VPS13B: variants seen among roughly 807,000 people sequenced by gnomAD.
VPS13B encodes the protein intermembrane lipid transfer protein VPS13B.
In VPS13B, 285 loss-of-function variants were observed where a neutral mutation model predicts 426.4. The observed-to-expected ratio is 0.67, with a 90% confidence interval of 0.61 to 0.74. The LOEUF (loss-of-function observed/expected upper bound fraction) is 0.74. Among genes scored for constraint, VPS13B ranks in the 30% least tolerant of loss-of-function variants. The probability of loss-of-function intolerance (pLI) is 0.00; values close to 1 mark genes in which losing one functional copy is unlikely to be tolerated. For synonymous variants in VPS13B, 1,676 were observed against 1,676.4 expected, an observed-to-expected ratio of 1.00 and a Z score of 0.01; for missense variants, 4,537 against 4,782.6, an observed-to-expected ratio of 0.95 and a Z score of 1.51.
chr8:99,632,049 C>T (rs1387705249), intron 33 of VPS13B, among the ~76,000 whole-genome samples: 1 of 151,628 alleles, frequency 6.6e-6, no homozygotes, highest in Non-Finnish European at 1.5e-5. Flanking sequence ...AAAGTAGAAA[C>T]TTTATTTCTT....
intron 17 of VPS13B, among the ~76,000 whole-genome samples, chr8:99,264,877 A>G (rs2132962036): frequency 6.6e-6 from 1 of 151,608 alleles, no homozygotes; most frequent in South Asian, 2.1e-4. Context: ...TAGATATTGG[A>G]TTGCTTATGT....
chr8:99,261,192 T>C (rs575440101), intron 17 of VPS13B, among the ~76,000 whole-genome samples: 1 of 152,218 alleles, frequency 6.6e-6, no homozygotes, highest in East Asian at 1.9e-4. Flanking sequence ...TCTATGGATT[T>C]GGGAAAATGT....
chr8:99,602,221 G>T (rs1402206152), intron 33 of VPS13B, among the ~76,000 whole-genome samples: 6 of 152,166 alleles, frequency 3.9e-5, no homozygotes. Context: ...CATGTGGCTA[G>T]CCAGTTTTCC....
intron 26 of VPS13B, 39 bp downstream of exon 26, chr8:99,501,897 T>TCCCCC: frequency 1.1e-6 from 1 of 873,060 alleles, no homozygotes; most frequent in Non-Finnish European, 1.5e-6. Context: ...CCTCCCTCTG[T>TCCCCC]CCCTCCCTCC....
At chr8:99,174,309 C>A (rs772549905) in intron 16 of VPS13B, among the ~76,000 whole-genome samples, 1 of 152,104 alleles carries the variant, frequency 6.6e-6, no homozygotes, top group South Asian at 2.1e-4. Flanking sequence ...CTGTTTGAGT[C>A]TCTGCTTTCA....
At chr8:99,296,462 A>G (rs1022137611) in intron 19 of VPS13B, among the ~76,000 whole-genome samples, 3 of 152,164 alleles carry the variant, frequency 2.0e-5, no homozygotes, top group Non-Finnish European at 4.4e-5. Flanking sequence ...ATTTTTTCTA[A>G]TACATAAAAT....
intron 43 of VPS13B, among the ~76,000 whole-genome samples, chr8:99,798,052 T>A (rs1812941428): frequency 6.6e-6 from 1 of 152,114 alleles, no homozygotes. Flanking sequence ...TTATTGTTGC[T>A]GACATTAAGA....
chr8:99,786,247 A>G (rs1812259708), intron 43 of VPS13B, among the ~76,000 whole-genome samples: 1 of 152,094 alleles, frequency 6.6e-6, no homozygotes, highest in Non-Finnish European at 1.5e-5. Flanking sequence ...GCACTATTTC[A>G]AGGCCTTTTT....
At chr8:99,424,206 T>C (rs1159278564) in intron 21 of VPS13B, 1 of 152,198 alleles carries the variant, frequency 6.6e-6, no homozygotes, top group Non-Finnish European at 1.5e-5. Context: ...TTAAAGTCTG[T>C]TTTATCAGAG....
chr8:99,139,880 CTT>C (rs1810305624), intron 12 of VPS13B, among the ~76,000 whole-genome samples: 1 of 151,338 alleles, frequency 6.6e-6, no homozygotes, highest in Admixed American at 6.6e-5. Context: ...ATCTAAAACT[CTT>C]GTTTTTTTGT....
chr8:99,710,418 T>G (rs1390113475), intron 36 of VPS13B, among the ~76,000 whole-genome samples: 1 of 152,202 alleles, frequency 6.6e-6, no homozygotes, highest in African/African-American at 2.4e-5. Context: ...CTAGTTTACA[T>G]GAACTCTGAG....
intron 19 of VPS13B, among the ~76,000 whole-genome samples, chr8:99,383,703 T>C (rs1396892237): frequency 6.6e-6 from 1 of 152,162 alleles, no homozygotes; most frequent in African/African-American, 2.4e-5. Flanking sequence ...TTCATATAAG[T>C]GGAATTCTAA....
At chr8:99,462,267 G>A (rs777477149) in intron 23 of VPS13B, among the ~76,000 whole-genome samples, 1 of 151,634 alleles carries the variant, frequency 6.6e-6, no homozygotes, top group Non-Finnish European at 1.5e-5. Context: ...CTCCATGGTG[G>A]CATGTAAGAA....
At chr8:99,161,761 C>A (rs1242109603) in intron 15 of VPS13B, among the ~76,000 whole-genome samples, 1 of 137,864 alleles carries the variant, frequency 7.3e-6, no homozygotes, top group African/African-American at 2.7e-5. Context: ...GAGACAGAGT[C>A]TCATTCTGTC....
rs147966059 is a variant in VPS13B, at chr8:99,209,315, T to C, written c.2515+16258T>C. ...AACAAAACAAAAAACAAAACCGAAA[T>C]AATGCTGTAATATACTACACAATTC... On this transcript the variant is annotated intron_variant, in intron 17 of 61. Transcript: ENST00000357162. Among the ~76,000 whole-genome samples, 1,181 of 150,578 alleles carry C rather than the reference T, an allele frequency of 7.8e-3. 11 individuals carry two copies. Among genetic ancestry groups the C allele is most frequent in the Non-Finnish European group, 0.013 (884 of 67,602 alleles).
Position 99,802,537 on chromosome 8 carries a change from A to G in VPS13B, c.7942-6838A>G, listed in dbSNP as rs978033748. Among the ~76,000 whole-genome samples the G allele has an allele frequency of 3.9e-5, 6 of 152,228 alleles. No homozygotes were observed. The South Asian group carries it at 8.3e-4, about 21-fold the overall frequency. On this transcript the variant is annotated intron_variant, in intron 43 of 61. Coordinates refer to ENST00000357162, the MANE Select transcript of VPS13B (RefSeq NM_152564.5). ...ATTTGGAAATTACCTGAGGAAGCAC[A>G]CAAAACACACATGGAAAAAAGGAAA...
intron 8 of VPS13B, among the ~76,000 whole-genome samples, chr8:99,131,574 T>G (rs190034575): frequency 2.0e-4 from 31 of 152,098 alleles, no homozygotes; most frequent in African/African-American, 7.5e-4. Context: ...CATAAAAAAT[T>G]ATGTTTGCAC....
chr8:99,234,171 A>G, intron 17 of VPS13B: 2 of 780,092 alleles, frequency 2.6e-6, no homozygotes, highest in Non-Finnish European at 2.4e-6. Flanking sequence ...CTCTTCATCC[A>G]GGATGTAGGA....
intron 21 of VPS13B, among the ~76,000 whole-genome samples, chr8:99,400,764 G>A (rs952816931): frequency 5.9e-5 from 9 of 152,028 alleles, no homozygotes; most frequent in Admixed American, 3.3e-4. Flanking sequence ...TCCACATCCC[G>A]AGTTCAAGCA....
Sources: gnomAD v4.1 joint callset for allele counts (sites outside exome capture counted in the v4.1 genomes callset) on GRCh38, gnomAD v4.1.1 for gene constraint, MANE v1.5 for transcripts, NCBI Gene and HGNC (gene_info 2026-07-23, HGNC 2026-07-21) for gene names.